Variants in TUBD1 observed in about 807,000 individuals in gnomAD.
TUBD1 encodes tubulin delta chain.
In TUBD1, 38 loss-of-function variants were observed where a neutral mutation model predicts 51.2. The ratio of observed to expected loss-of-function variants is 0.74; its 90% CI spans 0.57 to 0.97. The LOEUF (loss-of-function observed/expected upper bound fraction) is 0.97, where lower values mean the gene tolerates loss of function less well. Among genes scored for constraint, TUBD1 ranks in the 50% least tolerant of loss-of-function variants. TUBD1 has a pLI of 0.00. For synonymous variants in TUBD1, 169 were observed against 178.2 expected (o/e 0.95, Z 0.41); for missense variants, 489 against 538.4 (o/e 0.91, Z 0.91).
chr17:59,874,571 T>C lies in TUBD1; in HGVS notation c.902A>G (p.Gln301Arg), dbSNP rs200122426. ...CATCTTTGCATTAGAAATGAGCATC[T>C]GTCTCAAATGCTTGAGGAGGCCAGC... ...TWAGLLKHLR[Q>R]MLISNAKMEE... is the part of the protein sequence containing the mutation. The change falls in exon 6 of 9, where the codon CAG becomes CGG. Residue 301 changes from glutamine to arginine, a missense_variant. Coordinates refer to ENST00000325752, the MANE Select transcript of TUBD1 (RefSeq NM_016261.4). 2.5e-6 allele frequency: 4 copies of C among 1,612,060 alleles called. No individual in the cohort carries two copies. Among genetic ancestry groups the C allele is most frequent in the African/African-American group, 2.7e-5 (2 of 74,834 alleles).
intron 2 of TUBD1, among the ~76,000 whole-genome samples, chr17:59,889,870 T>G (rs2040914254): frequency 6.8e-6 from 1 of 148,074 alleles, no homozygotes; most frequent in South Asian, 2.1e-4. Context: ...CTTGGGAGGC[T>G]GAGGCAGGAG....
intron 6 of TUBD1, among the ~76,000 whole-genome samples, chr17:59,873,587 G>A (rs188907445): frequency 1.0e-3 from 157 of 152,246 alleles, no homozygotes; most frequent in African/African-American, 3.6e-3. Flanking sequence ...GATATAGGCC[G>A]GGCGCAGTGG....
At chr17:59,878,489 C>CTTTTT (rs71370137) in intron 4 of TUBD1, 155 bp from the exon 5 acceptor site, 4 of 463,872 alleles carry the variant, frequency 8.6e-6, no homozygotes, top group African/African-American at 2.2e-5. Context: ...GCTCAGTTTC[C>CTTTTT]TTTTTTTTTT....
Position 59,868,838 on chromosome 17 carries a change from A to T in TUBD1, c.935-2089T>A, listed in dbSNP as rs1047405352. Among the ~76,000 whole-genome samples, 28 of 151,698 alleles carry T rather than the reference A, an allele frequency of 1.8e-4. 1 individual carries two copies. The highest frequency in any genetic ancestry group is 7.3e-4 in the Admixed American group (11 of 15,160). On this transcript the variant is annotated intron_variant, in intron 6 of 8. Transcript: ENST00000325752. ...GCGACGGAGCGAGACTCCATCTCAA[A>T]AAATAAATAAATAAATAAATAAATA...
intron 2 of TUBD1, 152 bp downstream of exon 2, chr17:59,890,679 A>G: frequency 1.5e-6 from 1 of 647,710 alleles, no homozygotes; most frequent in East Asian, 3.0e-5. Context: ...CCACTGGAAA[A>G]GCAAAGATTA....
chr17:59,863,763 C>T lies in TUBD1; in HGVS notation c.1160G>A (p.Ser387Asn), dbSNP rs138777868. ...FNVWKTQRAF[S>N]KYEKSAVLVS... ...CAACACTGCAGACTTCTCATATTTG[C>T]TAAAGGCCCGCTGGGTTTTCCACAC... Residue 387 changes from serine to asparagine, a missense_variant, in exon 8 of 9, where the codon AGC (serine) becomes AAC (asparagine). Transcript: ENST00000325752. 1.9e-6 allele frequency: 3 copies of T among 1,611,512 alleles called. No individual in the cohort carries two copies. In the East Asian group the frequency reaches 6.7e-5, roughly 36 times the overall value.
intron 3 of TUBD1, among the ~76,000 whole-genome samples, chr17:59,883,677 C>T (rs775997208): frequency 7.2e-5 from 11 of 152,064 alleles, no homozygotes; most frequent in Non-Finnish European, 1.5e-4. Context: ...GTTGGGATTA[C>T]AGGCGTGAGC....
chr17:59,872,297 G>A (rs2040017522), intron 6 of TUBD1, among the ~76,000 whole-genome samples: 1 of 151,798 alleles, frequency 6.6e-6, no homozygotes, highest in Non-Finnish European at 1.5e-5. Flanking sequence ...GTCTTGCTTT[G>A]TTGCTCAAGC....
chr17:59,860,236 A>G lies in TUBD1; in HGVS notation c.*86T>C, dbSNP rs2039375526. 1.0e-6 allele frequency: 1 copy of G among 997,078 alleles called. No individual in the cohort carries two copies. Among genetic ancestry groups the G allele is most frequent in the South Asian group, 1.5e-5 (1 of 67,850 alleles). 61.8% of individuals were successfully genotyped at this position (997,078 alleles called of 1,614,324 possible). ...TTTCACCGTGTTAGCCAGGATGGAGAACTTTGAAAACTTTACAGAGAAAAT... is the reference window on the plus strand; with the variant it reads ...TTTCACCGTGTTAGCCAGGATGGAGGACTTTGAAAACTTTACAGAGAAAAT... On this transcript the variant is annotated 3_prime_UTR_variant, in exon 9 of 9. Transcript: ENST00000325752.
At chr17:59,889,047 G>A (rs533414359) in intron 2 of TUBD1, among the ~76,000 whole-genome samples, 2 of 113,360 alleles carry the variant, frequency 1.8e-5, no homozygotes, top group South Asian at 2.9e-4. Flanking sequence ...ACGGCATCTC[G>A]CTCTATTTCC....
chr17:59,888,872 C>T (rs148385197), intron 2 of TUBD1, among the ~76,000 whole-genome samples: 24,924 of 151,528 alleles, frequency 0.16, 2,369 homozygotes, highest in East Asian at 0.39. Context: ...CCACTACGCT[C>T]GGCTAATTTT....
At chr17:59,878,408 C>A (rs758797282) in intron 4 of TUBD1, 74 bp from the exon 5 acceptor site, 3 of 1,097,704 alleles carry the variant, frequency 2.7e-6, no homozygotes, top group Non-Finnish European at 4.1e-6. Context: ...TCAAGGCATC[C>A]TGGCAGGGTT....
At chr17:59,884,486 T>C (rs1292054) in intron 3 of TUBD1, among the ~76,000 whole-genome samples, 77,937 of 151,362 alleles carry the variant, frequency 0.51, 20,767 homozygotes, top group African/African-American at 0.66. Flanking sequence ...TGGTGGCAGG[T>C]ACCTGTAATT....
At chr17:59,869,111 T>C (rs1483192449) in intron 6 of TUBD1, among the ~76,000 whole-genome samples, 1 of 151,958 alleles carries the variant, frequency 6.6e-6, no homozygotes, top group African/African-American at 2.4e-5. Context: ...CATATATATA[T>C]ATTTATTCAT....
intron 4 of TUBD1, 108 bp downstream of exon 4, chr17:59,880,786 T>C: frequency 5.7e-6 from 6 of 1,044,268 alleles, no homozygotes; most frequent in Admixed American, 2.0e-5. Flanking sequence ...AGTGCTGGGA[T>C]TACAGGCATA....
At chr17:59,861,825 G>A (rs931445545) in intron 8 of TUBD1, among the ~76,000 whole-genome samples, 6 of 150,398 alleles carry the variant, frequency 4.0e-5, no homozygotes, top group Non-Finnish European at 8.9e-5. Context: ...CCGCCACCAC[G>A]CCCAGCTGTT....
chr17:59,878,085 G>C lies in TUBD1; in HGVS notation c.769+18C>G, dbSNP rs749768959. The C allele has an allele frequency of 6.3e-7, 1 of 1,587,358 alleles. No individual in the cohort carries two copies. Among genetic ancestry groups the C allele is most frequent in the African/African-American group, 1.3e-5 (1 of 74,328 alleles). Reference sequence around the variant, plus strand: ...AACATAAGGCTTTCCTATAATTAACGTATAGAGGGACAAATACCTAGTGGA... The same window carrying C: ...AACATAAGGCTTTCCTATAATTAACCTATAGAGGGACAAATACCTAGTGGA... On this transcript the variant is annotated intron_variant, in intron 5 of 8. Transcript: ENST00000325752.
intron 3 of TUBD1, chr17:59,885,019 C>T: frequency 3.4e-6 from 1 of 295,512 alleles, no homozygotes; most frequent in Non-Finnish European, 6.6e-6. Flanking sequence ...GTGAAGATGG[C>T]AGTGGCCAGG....
At chr17:59,864,615 CCTCAGCCTCCCAA>C (rs780367036) in intron 7 of TUBD1, among the ~76,000 whole-genome samples, 49 of 152,254 alleles carry the variant, frequency 3.2e-4, no homozygotes, top group Non-Finnish European at 6.2e-4. Flanking sequence ...GATCCTCCCA[CCTCAGCCTCCCAA>C]GTAGCTGGGA....
Sources: gnomAD v4.1 joint callset for allele counts (sites outside exome capture counted in the v4.1 genomes callset) on GRCh38, gnomAD v4.1.1 for gene constraint, MANE v1.5 for transcripts, NCBI Gene and HGNC (gene_info 2026-07-23, HGNC 2026-07-21) for gene names.